The following MACROD2 variants were observed in gnomAD, a reference collection of about 807,000 sequenced individuals.
The protein encoded by MACROD2 is mono-ADP ribosylhydrolase 2, also known as ADP-ribose glycohydrolase MACROD2.
MACROD2 carries 36 observed loss-of-function variants against 70.4 expected under a neutral mutation model. The ratio of observed to expected loss-of-function variants is 0.51; its 90% CI spans 0.39 to 0.68. MACROD2 has a LOEUF of 0.68. MACROD2 is among the 30% of genes least tolerant of loss of function. The pLI is 0.00. For synonymous variants in MACROD2, 172 were observed against 178.8 expected, an observed-to-expected ratio of 0.96 and a Z score of 0.30; for missense variants, 496 against 538.4, an observed-to-expected ratio of 0.92 and a Z score of 0.78.
At chr20:14,152,163 A>G (rs1183942279) in intron 3 of MACROD2, among the ~76,000 whole-genome samples, 1 of 152,078 alleles carries the variant, frequency 6.6e-6, no homozygotes, top group Non-Finnish European at 1.5e-5. Flanking sequence ...TCATTAATTA[A>G]CTAAGCTACA....
chr20:14,480,544 A>AAAG (rs944971898), intron 3 of MACROD2, among the ~76,000 whole-genome samples: 1 of 152,142 alleles, frequency 6.6e-6, no homozygotes, highest in African/African-American at 2.4e-5. Flanking sequence ...GAGATTTGTT[A>AAAG]AATAATAATA....
chr20:14,423,983 AACT>A (rs940671217), intron 3 of MACROD2, among the ~76,000 whole-genome samples: 14 of 151,732 alleles, frequency 9.2e-5, no homozygotes, highest in African/African-American at 3.4e-4. Context: ...GCTAGTCTTG[AACT>A]CTCGACCTCA....
chr20:15,091,870 G>C (rs1310055859), intron 5 of MACROD2, among the ~76,000 whole-genome samples: 1 of 152,096 alleles, frequency 6.6e-6, no homozygotes, highest in African/African-American at 2.4e-5. Context: ...ACTATACACA[G>C]TGCTTTATTA....
At chr20:14,786,105 G>A (rs896956076) in intron 5 of MACROD2, among the ~76,000 whole-genome samples, 1 of 151,826 alleles carries the variant, frequency 6.6e-6, no homozygotes, top group South Asian at 2.1e-4. Context: ...ATGTGGATTG[G>A]GTTGCAAAAG....
intron 4 of MACROD2, among the ~76,000 whole-genome samples, chr20:14,534,209 T>C (rs2123214690): frequency 6.6e-6 from 1 of 152,302 alleles, no homozygotes. Flanking sequence ...CGTTGCTTTA[T>C]CTGGAAGGGT....
chr20:14,542,103 G>A (rs892900807), intron 4 of MACROD2, among the ~76,000 whole-genome samples: 1 of 152,160 alleles, frequency 6.6e-6, no homozygotes, highest in Admixed American at 6.5e-5. Flanking sequence ...GTCTGCTGAC[G>A]CGAGACACCT....
In MACROD2 at chr20:14,668,880, A is replaced by C. The variant is rs78355677; in HGVS notation, c.302-15963A>C. Among the ~76,000 whole-genome samples, 810 of 152,266 alleles carry C rather than the reference A, an allele frequency of 5.3e-3. 16 individuals are homozygous for C. The highest frequency in any genetic ancestry group is 0.018 in the African/African-American group (768 of 41,566). ...AAAGGAGTAAAATTTCATCAACATT[A>C]TGAACTATGAGCCCTATTGAATAAT... On this transcript the variant is annotated intron_variant, in intron 4 of 17. Coordinates refer to ENST00000684519, the MANE Select transcript of MACROD2 (RefSeq NM_001351661.2).
intron 7 of MACROD2, among the ~76,000 whole-genome samples, chr20:15,460,746 GAC>G: frequency 6.6e-6 from 1 of 151,850 alleles, no homozygotes; most frequent in East Asian, 1.9e-4. Context: ...TGACCTGACT[GAC>G]ACAGCCCTGA....
At chr20:14,695,945 C>A (rs1030203590) in intron 5 of MACROD2, among the ~76,000 whole-genome samples, 1 of 152,046 alleles carries the variant, frequency 6.6e-6, no homozygotes, top group East Asian at 1.9e-4. Flanking sequence ...CAACTATGAT[C>A]CTGAAGTTTA....
chr20:15,284,964 A>G (rs2077477772), intron 6 of MACROD2, among the ~76,000 whole-genome samples: 3 of 152,202 alleles, frequency 2.0e-5, no homozygotes, highest in African/African-American at 7.2e-5. Flanking sequence ...TGAAATAATA[A>G]TATAGTTTAG....
rs144032768 is a variant in MACROD2, at chr20:14,501,703, A to T, written c.301+8195A>T. Among the ~76,000 whole-genome samples, 331 of 152,262 alleles carry T rather than the reference A, an allele frequency of 2.2e-3. 5 individuals carry two copies. Among genetic ancestry groups the T allele is most frequent in the African/African-American group, 7.1e-3 (294 of 41,574 alleles). On this transcript the variant is annotated intron_variant, in intron 4 of 17. Transcript: ENST00000684519. ...CAGAAAATGTTGAGATTAGCAAATC[A>T]TGCTCAAAGATAGGAATTAAAGGTT...
chr20:14,012,004 G>T (rs2052915570), intron 2 of MACROD2, among the ~76,000 whole-genome samples: 1 of 152,072 alleles, frequency 6.6e-6, no homozygotes, highest in African/African-American at 2.4e-5. Context: ...CGCCTCCCAA[G>T]TTCAAGTGAT....
chr20:14,962,514 T>G (rs1313140056), intron 5 of MACROD2, among the ~76,000 whole-genome samples: 2 of 141,820 alleles, frequency 1.4e-5, no homozygotes, highest in African/African-American at 3.0e-5. Context: ...AATTTTGCTC[T>G]CTCTCTCTCT....
At chr20:14,859,188 A>G (rs1300734593) in intron 5 of MACROD2, among the ~76,000 whole-genome samples, 1 of 152,078 alleles carries the variant, frequency 6.6e-6, no homozygotes, top group Non-Finnish European at 1.5e-5. Context: ...TAAAGAACCT[A>G]TCCGTGTAAC....
At chr20:14,352,325 G>A (rs1034338618) in intron 3 of MACROD2, 2 of 152,044 alleles carry the variant, frequency 1.3e-5, no homozygotes, top group Non-Finnish European at 2.9e-5. Context: ...TACTCGTCTC[G>A]CTTCGGCAGC....
chr20:15,563,630 A>T (rs1181481157), intron 8 of MACROD2, among the ~76,000 whole-genome samples: 1 of 152,252 alleles, frequency 6.6e-6, no homozygotes, highest in Admixed American at 6.5e-5. Flanking sequence ...TAAGTTTAAA[A>T]GAAAAATGCA....
At chr20:14,453,354 C>G (rs1015967754) in intron 3 of MACROD2, among the ~76,000 whole-genome samples, 2 of 152,130 alleles carry the variant, frequency 1.3e-5, no homozygotes, top group African/African-American at 4.8e-5. Flanking sequence ...CTGTCATTTC[C>G]TAATAACCCA....
intron 5 of MACROD2, among the ~76,000 whole-genome samples, chr20:15,053,812 T>C (rs1448754155): frequency 1.3e-5 from 2 of 152,202 alleles, no homozygotes; most frequent in African/African-American, 4.8e-5. Context: ...CAAAGAACAT[T>C]GAAAACCTTC....
At position 14,160,724 on chromosome 20, in the gene MACROD2, GCT is replaced by G. The variant is rs536923291; in HGVS notation, c.271+74999_271+75000del. Among the ~76,000 whole-genome samples the G allele has an allele frequency of 2.8e-3, 424 of 151,936 alleles. 2 individuals are homozygous for G. The highest frequency in any genetic ancestry group is 9.6e-3 in the African/African-American group (398 of 41,484). On this transcript the variant is annotated intron_variant, in intron 3 of 17. Coordinates refer to ENST00000684519, the MANE Select transcript of MACROD2 (RefSeq NM_001351661.2). ...GTTTTTTAGTTTCTGTTTAAGTTCTGCTCTGATTTTTATTATTTTTTCTTCTC... is the reference window on the plus strand; with the variant it reads ...GTTTTTTAGTTTCTGTTTAAGTTCTGCTGATTTTTATTATTTTTTCTTCTC...
Sources: allele counts gnomAD v4.1 joint callset (sites outside exome capture counted in the v4.1 genomes callset), GRCh38; gene constraint gnomAD v4.1.1; transcripts MANE v1.5; gene names NCBI Gene and HGNC (gene_info 2026-07-23, HGNC 2026-07-21).